HTRA3: variants seen among roughly 807,000 people sequenced by gnomAD.
HTRA3 encodes HtrA serine peptidase 3.
Under a neutral mutation model 43.2 loss-of-function variants are expected in HTRA3, and 41 were observed. The observed-to-expected ratio is 0.95, with a 90% CI of 0.74 to 1.23. The LOEUF (loss-of-function observed/expected upper bound fraction) is 1.23, where lower values mean the gene tolerates loss of function less well. HTRA3 is among the 50% of genes most tolerant of loss of function. The probability of loss-of-function intolerance (pLI) is 0.00; values close to 1 mark genes in which losing one functional copy is unlikely to be tolerated. For missense variants in HTRA3, 628 were observed against 647.1 expected (o/e 0.97, Z 0.32); for synonymous variants, 295 against 287.9 (o/e 1.02, Z -0.25).
chr4:8,282,532 C>T lies in HTRA3; in HGVS notation c.481C>T (p.Leu161=), dbSNP rs1712794575. 1.9e-6 allele frequency: 3 copies of T among 1,612,774 alleles called. No homozygotes were observed. In the East Asian group the frequency reaches 6.7e-5, roughly 36 times the overall value. ...AGCCGTGGTCCACATAGAGCTCTTC[C>T]TGAGGTGGGTGAATACCCCTCGCCC... is the stretch of plus-strand genomic sequence containing the variant. The part of the protein sequence containing the change: ...APAVVHIELF[L]RHPLFGRNVP... Residue 161 remains leucine (L), a synonymous_variant, in exon 2 of 9, where the codon CTG becomes TTG. Coordinates refer to ENST00000307358, the MANE Select transcript of HTRA3 (RefSeq NM_053044.5).
intron 2 of HTRA3, among the ~76,000 whole-genome samples, chr4:8,283,778 T>C (rs1712850175): frequency 6.6e-6 from 1 of 152,218 alleles, no homozygotes; most frequent in African/African-American, 2.4e-5. Context: ...TTCACGGTAC[T>C]TTCCCTGAGG....
At chr4:8,271,887 T>C (rs936749623) in intron 1 of HTRA3, among the ~76,000 whole-genome samples, 2 of 152,102 alleles carry the variant, frequency 1.3e-5, no homozygotes, top group Non-Finnish European at 1.5e-5. Context: ...CAAACCATCA[T>C]GGGGGTGAGG....
rs140459708 is a variant in HTRA3, at chr4:8,291,924, T to G, written c.903+360T>G. On this transcript the variant is annotated intron_variant, in intron 4 of 8. Transcript: ENST00000307358. ...GCACGTTTAGCATTCACAAAGCACT[T>G]CACCCAGATGCCCCAGATCACGTCC... Among the ~76,000 whole-genome samples the G allele has an allele frequency of 2.0e-3, 302 of 152,350 alleles. 1 individual carries two copies. Among genetic ancestry groups the G allele is most frequent in the Non-Finnish European group, 1.4e-3 (96 of 68,038 alleles).
At chr4:8,282,100 C>G (rs1405571504) in intron 1 of HTRA3, among the ~76,000 whole-genome samples, 2 of 152,236 alleles carry the variant, frequency 1.3e-5, no homozygotes, top group Non-Finnish European at 2.9e-5. Context: ...AGATCCAGCC[C>G]TGGCCTCACT....
intron 5 of HTRA3, 81 bp downstream of exon 5, chr4:8,292,434 G>T: frequency 8.6e-7 from 1 of 1,169,392 alleles, no homozygotes; most frequent in Non-Finnish European, 1.3e-6. Flanking sequence ...AGGTGGGACA[G>T]GGCCCACAAT....
At chr4:8,302,027 C>T (rs1202090573) in intron 6 of HTRA3, among the ~76,000 whole-genome samples, 8 of 152,210 alleles carry the variant, frequency 5.3e-5, no homozygotes, top group Non-Finnish European at 1.2e-4. Context: ...ATGGTTAGTA[C>T]TCACTGGACA....
At chr4:8,305,534 C>T (rs1199935321) in intron 8 of HTRA3, among the ~76,000 whole-genome samples, 1 of 152,250 alleles carries the variant, frequency 6.6e-6, no homozygotes, top group African/African-American at 2.4e-5. Flanking sequence ...GGGGAGGTCT[C>T]AGTGAGCCTC....
At chr4:8,282,682 G>C (rs1712802756) in intron 2 of HTRA3, 146 bp downstream of exon 2, 1 of 656,454 alleles carries the variant, frequency 1.5e-6, no homozygotes, top group Non-Finnish European at 2.7e-6. Flanking sequence ...AGTCACATCT[G>C]CTGGCTGCCT....
At chr4:8,304,939 C>T (rs1459896513) in intron 8 of HTRA3, among the ~76,000 whole-genome samples, 2 of 152,080 alleles carry the variant, frequency 1.3e-5, no homozygotes, top group African/African-American at 4.8e-5. Context: ...GATTTCTACC[C>T]CCAGGAGACT....
intron 3 of HTRA3, among the ~76,000 whole-genome samples, chr4:8,288,899 G>GTCCGTCCTTCCTTCCT (rs1713107672): frequency 9.9e-5 from 10 of 101,490 alleles, no homozygotes; most frequent in African/African-American, 2.6e-4. Context: ...CCTTCCGTCC[G>GTCCGTCCTTCCTTCCT]TCCTTCCTTC....
chr4:8,290,465 C>T (rs754613170), intron 3 of HTRA3, among the ~76,000 whole-genome samples: 1 of 152,186 alleles, frequency 6.6e-6, no homozygotes, highest in Non-Finnish European at 1.5e-5. Flanking sequence ...CCTGGCCGAT[C>T]GCAGATCCAC....
rs139647078 is a variant in HTRA3 at position 8,296,993 on chromosome 4, G to A, written c.1051+2792G>A. Among the ~76,000 whole-genome samples the A allele has an allele frequency of 0.016, 2,442 of 151,996 alleles. 38 individuals are homozygous for A. Among genetic ancestry groups the A allele is most frequent in the Middle Eastern group, 0.061 (18 of 294 alleles). ...ACAGGGTCCTGTGGTCTCAAAAACC[G>A]TAAGTTTCCCTGGTCTCAGAGTTCA... On this transcript the variant is annotated intron_variant, in intron 6 of 8. Coordinates refer to ENST00000307358, the MANE Select transcript of HTRA3 (RefSeq NM_053044.5). This position sits in a 1 kb window ranked among gnomAD's most constrained non-coding sequence, Gnocchi z 5.3.
chr4:8,295,695 C>A lies in HTRA3; in HGVS notation c.1051+1494C>A, dbSNP rs1267864943. On this transcript the variant is annotated intron_variant, in intron 6 of 8. Transcript: ENST00000307358. The surrounding 1 kb of genome is among the most constrained non-coding windows in gnomAD (Gnocchi z 6.9). The stretch of plus-strand genomic sequence containing the variant: ...ACATTGCTTTGCTGTCTCCTCCCAG[C>A]CCCCTCACTGGCAGTTCATTGAGAG... 7 of 1,420,070 alleles carry A rather than the reference C, an allele frequency of 4.9e-6. No individual in the cohort carries two copies. In the African/African-American group the frequency reaches 1.0e-4, roughly 21 times the overall value. The allele number at this position is 1,420,070 out of a possible 1,614,324, so 88.0% of individuals were successfully genotyped here.
At chr4:8,282,979 T>C (rs1220683316) in intron 2 of HTRA3, among the ~76,000 whole-genome samples, 1 of 152,052 alleles carries the variant, frequency 6.6e-6, no homozygotes, top group Non-Finnish European at 1.5e-5. Flanking sequence ...TCGGGAGGCC[T>C]CACAAGCTAA....
intron 6 of HTRA3, 54 bp from the exon 7 acceptor site, chr4:8,302,409 C>A (rs187337903): frequency 3.3e-6 from 5 of 1,532,694 alleles, no homozygotes; most frequent in Admixed American, 3.3e-5. Flanking sequence ...CCTGAGGGAG[C>A]GTGGTGGCTT....
At chr4:8,291,243 A>C (rs1227003901) in intron 3 of HTRA3, 127 bp from the exon 4 acceptor site, 41 of 797,642 alleles carry the variant, frequency 5.1e-5, no homozygotes, top group South Asian at 7.7e-5. Flanking sequence ...GAGCCTTCAC[A>C]GTCCTGGTGG....
chr4:8,282,368 G>T, intron 1 of HTRA3, 69 bp from the exon 2 acceptor site: 2 of 1,231,452 alleles, frequency 1.6e-6, no homozygotes, highest in Non-Finnish European at 2.3e-6. Context: ...CTGCCCACTG[G>T]GCATAGGCCT....
intron 6 of HTRA3, 124 bp downstream of exon 6, chr4:8,294,325 G>A (rs1281530092): frequency 4.6e-6 from 3 of 653,334 alleles, no homozygotes; most frequent in Non-Finnish European, 7.9e-6. Context: ...CTCACTACTG[G>A]ACAGGTCCTG....
rs1357123273 is a variant in HTRA3 at position 8,296,629 on chromosome 4, C to T, written c.1051+2428C>T. The stretch of plus-strand genomic sequence containing the variant: ...GCCACCATGCATGTTGGGGGAGCCC[C>T]AGGAGGGCTTGGGGTCCAGCCAGCC... On this transcript the variant is annotated intron_variant, in intron 6 of 8. Transcript: ENST00000307358. This position sits in a 1 kb window ranked among gnomAD's most constrained non-coding sequence, Gnocchi z 5.3. 6.6e-6 allele frequency among the ~76,000 whole-genome samples: 1 copy of T among 152,190 alleles called. No homozygotes were observed. The highest frequency in any genetic ancestry group is 1.5e-5 in the Non-Finnish European group (1 of 68,030).
Sources: allele counts gnomAD v4.1 joint callset (sites outside exome capture counted in the v4.1 genomes callset), GRCh38; gene constraint gnomAD v4.1.1; non-coding constraint Gnocchi (gnomAD v3.1); transcripts MANE v1.5; gene names NCBI Gene and HGNC (gene_info 2026-07-23, HGNC 2026-07-21).